TLL2: variants seen among roughly 807,000 people sequenced by gnomAD.
TLL2 encodes tolloid-like protein 2.
A neutral mutation model predicts 123.0 loss-of-function variants in TLL2; 106 were observed. The ratio of observed to expected loss-of-function variants is 0.86; its 90% CI spans 0.74 to 1.01. The LOEUF (loss-of-function observed/expected upper bound fraction) is 1.01, where lower values mean the gene tolerates loss of function less well. Ranked by LOEUF, TLL2 falls within the 50% of genes least tolerant of loss-of-function variation. The probability of loss-of-function intolerance (pLI) is 0.00; values close to 1 mark genes in which losing one functional copy is unlikely to be tolerated. For missense variants in TLL2, 1,332 were observed against 1,336.7 expected, an observed-to-expected ratio of 1.00 and a Z score of 0.06; for synonymous variants, 494 against 516.8, an observed-to-expected ratio of 0.96 and a Z score of 0.60.
chr10:96,375,388 T>C (rs1846128623), intron 18 of TLL2: 1 of 152,220 alleles, frequency 6.6e-6, no homozygotes, highest in East Asian at 1.9e-4. Context: ...AACTACCACG[T>C]GAGTCTGTGA....
intron 2 of TLL2, among the ~76,000 whole-genome samples, chr10:96,476,248 T>G (rs12763009): frequency 0.086 from 5,965 of 69,196 alleles, 1,148 homozygotes; most frequent in South Asian, 0.31. Flanking sequence ...ATATTTTATT[T>G]TTGTTGTTGT....
At chr10:96,373,991 C>G in intron 18 of TLL2, 182 bp from the exon 19 acceptor site, 1 of 601,232 alleles carries the variant, frequency 1.7e-6, no homozygotes, top group South Asian at 2.0e-5. Flanking sequence ...TCAACCTCCG[C>G]CTTGCTTTTG....
At chr10:96,457,610 C>T (rs533735395) in intron 2 of TLL2, among the ~76,000 whole-genome samples, 38 of 152,294 alleles carry the variant, frequency 2.5e-4, no homozygotes, top group African/African-American at 7.9e-4. Flanking sequence ...CTCGTTCATG[C>T]AGACTTCCAG....
At chr10:96,459,923 T>C (rs1185099078) in intron 2 of TLL2, among the ~76,000 whole-genome samples, 2 of 150,940 alleles carry the variant, frequency 1.3e-5, no homozygotes, top group East Asian at 1.9e-4. Context: ...TGAAAGAAAG[T>C]ATAAGAAAGA....
At chr10:96,375,777 G>T (rs1285542496) in intron 18 of TLL2, among the ~76,000 whole-genome samples, 1 of 152,174 alleles carries the variant, frequency 6.6e-6, no homozygotes, top group Admixed American at 6.5e-5. Flanking sequence ...ATAGTCCATT[G>T]ATCATGGACT....
At chr10:96,498,054 C>G (rs1273965587) in intron 1 of TLL2, among the ~76,000 whole-genome samples, 1 of 152,208 alleles carries the variant, frequency 6.6e-6, no homozygotes, top group Non-Finnish European at 1.5e-5. Flanking sequence ...TTCTTGGGCT[C>G]TAATTTTACA....
chr10:96,478,281 G>A (rs1847279133), intron 2 of TLL2, among the ~76,000 whole-genome samples: 2 of 152,206 alleles, frequency 1.3e-5, no homozygotes, highest in South Asian at 2.1e-4. Context: ...ATGGTGGGCC[G>A]GCGTCAAGCC....
chr10:96,368,328 G>T, intron 20 of TLL2, 106 bp from the exon 21 acceptor site: 1 of 1,354,216 alleles, frequency 7.4e-7, no homozygotes, highest in Non-Finnish European at 1.0e-6. Context: ...TGTGTCTCTG[G>T]TACCAGAGAC....
At chr10:96,483,062 A>T (rs933528670) in intron 1 of TLL2, among the ~76,000 whole-genome samples, 10 of 152,242 alleles carry the variant, frequency 6.6e-5, no homozygotes, top group African/African-American at 2.4e-4. Flanking sequence ...ACAGATAAGA[A>T]GATGATTAAT....
In TLL2 at chr10:96,410,352, C is replaced by A; in HGVS notation, c.1164+7G>T. On this transcript the variant is annotated splice_region_variant and intron_variant, in intron 9 of 20. Transcript: ENST00000357947. ...CGTCCCATTTGCCAAGGGGGCTTCC[C>A]ACCTACCTTTTCCCCTGGGGTGACC... is the stretch of plus-strand genomic sequence containing the variant. The A allele has an allele frequency of 1.2e-6, 2 of 1,610,844 alleles. No individual in the cohort carries two copies. The highest frequency in any genetic ancestry group is 1.7e-6 in the Non-Finnish European group (2 of 1,178,504).
In TLL2 at chr10:96,384,627, G is replaced by A. The variant is rs60018665; in HGVS notation, c.2154C>T (p.Asn718=). The change falls in exon 16 of 21, where the codon AAC becomes AAT. Residue 718 remains asparagine, a synonymous_variant. Coordinates refer to ENST00000357947, the MANE Select transcript of TLL2 (RefSeq NM_012465.4). Reference sequence around the variant, plus strand: ...CCCTGAAGCCGCGCTTGGAGACGGTGTTGTCGGACTTGAACTCCACGCGCA... The same window carrying A: ...CCCTGAAGCCGCGCTTGGAGACGGTATTGTCGGACTTGAACTCCACGCGCA... ...NNMRVEFKSD[N]TVSKRGFRAH... 16,765 of 1,607,838 alleles carry A rather than the reference G, an allele frequency of 0.01. 851 individuals are homozygous for A. In the African/African-American group the frequency reaches 0.14, roughly 13 times the overall value.
chr10:96,493,521 C>T (rs541572672), intron 1 of TLL2, among the ~76,000 whole-genome samples: 1 of 152,194 alleles, frequency 6.6e-6, no homozygotes, highest in Admixed American at 6.5e-5. Flanking sequence ...GTGGGGGGCC[C>T]AGCCATGCGG....
At chr10:96,409,613 G>A (rs1157317131) in intron 9 of TLL2, among the ~76,000 whole-genome samples, 1 of 152,134 alleles carries the variant, frequency 6.6e-6, no homozygotes, top group Non-Finnish European at 1.5e-5. Context: ...ATAACAGTAC[G>A]TGCCCTGCAG....
At chr10:96,388,428 A>G (rs2134059317) in intron 13 of TLL2, among the ~76,000 whole-genome samples, 1 of 152,294 alleles carries the variant, frequency 6.6e-6, no homozygotes, top group East Asian at 1.9e-4. Context: ...TTGTTCACCA[A>G]ATCTTGAAAT....
At chr10:96,454,802 T>C (rs1846995598) in intron 2 of TLL2, among the ~76,000 whole-genome samples, 2 of 152,228 alleles carry the variant, frequency 1.3e-5, no homozygotes, top group African/African-American at 4.8e-5. Flanking sequence ...ATTATTATTA[T>C]CCTTATTGAC....
chr10:96,371,148 C>T (rs1359005103), intron 19 of TLL2, among the ~76,000 whole-genome samples: 1 of 151,902 alleles, frequency 6.6e-6, no homozygotes, highest in Non-Finnish European at 1.5e-5. Flanking sequence ...ATGGTGAAAC[C>T]CTGTCTCTAC....
At chr10:96,427,557 C>A (rs781103520) in intron 5 of TLL2, among the ~76,000 whole-genome samples, 1 of 152,162 alleles carries the variant, frequency 6.6e-6, no homozygotes, top group Non-Finnish European at 1.5e-5. Flanking sequence ...GTCCCTTATA[C>A]CCTTTCTCAT....
At position 96,367,912 on chromosome 10, in the gene TLL2, T is replaced by C. The variant is rs1243684099; in HGVS notation, c.*176A>G. On this transcript the variant is annotated 3_prime_UTR_variant, in exon 21 of 21. Transcript: ENST00000357947. ...AAAGAACATTTTTCTCTCCACCTTG[T>C]TGGCCAAACTTACAAGACTTTCATT... 1.4e-6 allele frequency: 1 copy of C among 717,010 alleles called. No individual in the cohort carries two copies. The highest frequency in any genetic ancestry group is 2.2e-6 in the Non-Finnish European group (1 of 454,754). The allele number at this position is 717,010 out of a possible 1,614,324, so 44.4% of individuals were successfully genotyped here.
chr10:96,460,846 A>G (rs1284080343), intron 2 of TLL2, among the ~76,000 whole-genome samples: 2 of 152,332 alleles, frequency 1.3e-5, no homozygotes, highest in African/African-American at 2.4e-5. Context: ...GAACTCTCTC[A>G]TCCCTTCTGC....
Sources: allele counts gnomAD v4.1 joint callset (sites outside exome capture counted in the v4.1 genomes callset), GRCh38; gene constraint gnomAD v4.1.1; transcripts MANE v1.5; gene names NCBI Gene and HGNC (gene_info 2026-07-23, HGNC 2026-07-21).